Variants in ATP8A1 observed in about 807,000 individuals in gnomAD.
The protein encoded by ATP8A1 is ATPase phospholipid transporting 8A1, also known as phospholipid-transporting ATPase IA.
A neutral mutation model predicts 177.7 loss-of-function variants in ATP8A1; 90 were observed. The observed-to-expected ratio is 0.51, with a 90% CI of 0.43 to 0.60. The LOEUF (loss-of-function observed/expected upper bound fraction) is 0.60. ATP8A1 is among the 20% of genes least tolerant of loss of function. The pLI is 0.00. For missense variants in ATP8A1, 1,072 were observed against 1,392.8 expected, an observed-to-expected ratio of 0.77 and a Z score of 3.67; for synonymous variants, 493 against 485.9, an observed-to-expected ratio of 1.01 and a Z score of -0.19.
chr4:42,473,150 T>C (rs1720639691), intron 25 of ATP8A1, among the ~76,000 whole-genome samples: 1 of 152,034 alleles, frequency 6.6e-6, no homozygotes, highest in African/African-American at 2.4e-5. Context: ...CCTCCAGGTG[T>C]CATTGATTCA....
intron 4 of ATP8A1, among the ~76,000 whole-genome samples, chr4:42,616,820 CAGA>C (rs764034003): frequency 3.3e-5 from 5 of 152,154 alleles, no homozygotes; most frequent in South Asian, 4.1e-4. Flanking sequence ...GAAGAAGAAA[CAGA>C]AGGTCAGAGG....
At chr4:42,416,587 C>T (rs979258541) in intron 35 of ATP8A1, among the ~76,000 whole-genome samples, 2 of 152,126 alleles carry the variant, frequency 1.3e-5, no homozygotes, top group African/African-American at 4.8e-5. Context: ...AAGTCTCTTT[C>T]TTAAGAAAGA....
intron 32 of ATP8A1, 49 bp from the exon 33 acceptor site, chr4:42,443,721 A>G (rs1199490733): frequency 1.3e-6 from 1 of 799,424 alleles, no homozygotes; most frequent in African/African-American, 1.7e-5. Context: ...TAGACCGAGT[A>G]CACAAATACT....
chr4:42,594,941 C>A (rs1734579257), intron 6 of ATP8A1, among the ~76,000 whole-genome samples: 1 of 152,080 alleles, frequency 6.6e-6, no homozygotes, highest in African/African-American at 2.4e-5. Flanking sequence ...AAATTAATCT[C>A]TTCATTGTAC....
intron 23 of ATP8A1, 102 bp downstream of exon 23, chr4:42,506,914 A>C (rs1724419730): frequency 7.4e-7 from 1 of 1,343,366 alleles, no homozygotes; most frequent in Non-Finnish European, 1.0e-6. Flanking sequence ...CAATCTTGAC[A>C]TATCAAATCT....
rs779289581 is a variant in ATP8A1, at chr4:42,547,969, T to C, written c.1652+1044A>G. On this transcript the variant is annotated intron_variant, in intron 19 of 36. Coordinates refer to ENST00000381668, the MANE Select transcript of ATP8A1 (RefSeq NM_006095.2). ...ATTCTGTGAAGTGTCCTGTGAATGGTCACGCAGTCTTTAAAGACCCTGCAG... is the reference window on the plus strand; with the variant it reads ...ATTCTGTGAAGTGTCCTGTGAATGGCCACGCAGTCTTTAAAGACCCTGCAG... Among the ~76,000 whole-genome samples the C allele has an allele frequency of 2.6e-5, 4 of 152,264 alleles. No individual in the cohort carries two copies. The East Asian group carries it at 7.7e-4, about 29-fold the overall frequency.
chr4:42,638,320 A>T (rs1739594503), intron 1 of ATP8A1, among the ~76,000 whole-genome samples: 1 of 152,238 alleles, frequency 6.6e-6, no homozygotes, highest in African/African-American at 2.4e-5. Flanking sequence ...AAAAAAGGAA[A>T]AAAAGTAATG....
chr4:42,473,053 T>C (rs6447163), intron 25 of ATP8A1, among the ~76,000 whole-genome samples: 55,994 of 151,956 alleles, frequency 0.37, 10,504 homozygotes, highest in East Asian at 0.57. Flanking sequence ...GTTTAGATAG[T>C]AGTGGGATAC....
chr4:42,480,234 A>C (rs1252020513), intron 25 of ATP8A1, among the ~76,000 whole-genome samples: 1 of 152,154 alleles, frequency 6.6e-6, no homozygotes, highest in Non-Finnish European at 1.5e-5. Flanking sequence ...AGTTCCTTTA[A>C]TACTACTCAG....
At chr4:42,613,320 A>T (rs2109441152) in intron 5 of ATP8A1, among the ~76,000 whole-genome samples, 1 of 148,616 alleles carries the variant, frequency 6.7e-6, no homozygotes, top group African/African-American at 2.4e-5. Flanking sequence ...GACTTATAAG[A>T]TCTGAAAGAA....
At chr4:42,649,323 T>A (rs967511649) in intron 1 of ATP8A1, among the ~76,000 whole-genome samples, 3 of 152,166 alleles carry the variant, frequency 2.0e-5, no homozygotes, top group Admixed American at 6.6e-5. Flanking sequence ...CACAAATCTA[T>A]ATTGGCACAG....
At chr4:42,484,262 C>T (rs1055016975) in intron 25 of ATP8A1, among the ~76,000 whole-genome samples, 7 of 151,882 alleles carry the variant, frequency 4.6e-5, no homozygotes, top group African/African-American at 1.7e-4. Context: ...AGCAAAGAGC[C>T]GGATGACTAA....
At chr4:42,419,331 G>C (rs577060703) in intron 35 of ATP8A1, among the ~76,000 whole-genome samples, 1 of 152,126 alleles carries the variant, frequency 6.6e-6, no homozygotes, top group Admixed American at 6.5e-5. Flanking sequence ...CTAAGACATG[G>C]GCCTCTCTAG....
chr4:42,467,062 C>T (rs1372292415), intron 25 of ATP8A1, among the ~76,000 whole-genome samples: 1 of 152,192 alleles, frequency 6.6e-6, no homozygotes, highest in East Asian at 1.9e-4. Context: ...TTTTCCATAA[C>T]TAAACTTGTA....
At position 42,552,662 on chromosome 4, in the gene ATP8A1, A is replaced by G. The variant is rs771680878; in HGVS notation, c.1414-52T>C. Reference sequence around the variant, plus strand: ...GCCCTTCTCATGTGAACATTTTGACACTGACAGTAATATTACTTCATGTCT... The same window carrying G: ...GCCCTTCTCATGTGAACATTTTGACGCTGACAGTAATATTACTTCATGTCT... On this transcript the variant is annotated intron_variant, in intron 16 of 36. Coordinates refer to ENST00000381668, the MANE Select transcript of ATP8A1 (RefSeq NM_006095.2). The G allele has an allele frequency of 2.4e-6, 3 of 1,272,402 alleles. No individual in the cohort carries two copies. In the East Asian group the frequency reaches 7.0e-5, roughly 30 times the overall value. The allele number at this position is 1,272,402 out of a possible 1,614,324, so 78.8% of individuals were successfully genotyped here.
At chr4:42,623,024 A>AG (rs1215920728) in intron 4 of ATP8A1, among the ~76,000 whole-genome samples, 4 of 151,596 alleles carry the variant, frequency 2.6e-5, no homozygotes, top group Admixed American at 2.0e-4. Context: ...AAAAAAAAAA[A>AG]GGTGGGCAAA....
At chr4:42,622,057 A>G (rs1737518993) in intron 4 of ATP8A1, among the ~76,000 whole-genome samples, 1 of 152,164 alleles carries the variant, frequency 6.6e-6, no homozygotes, top group South Asian at 2.1e-4. Context: ...CATCATATAC[A>G]AAACTCATCT....
rs1732052005 is a variant in ATP8A1 at position 42,572,955 on chromosome 4, CAAT to C, written c.1295+1661_1295+1663del. 5.3e-5 allele frequency among the ~76,000 whole-genome samples: 8 copies of C among 152,250 alleles called. No homozygotes were observed. The South Asian group carries it at 1.7e-3, about 32-fold the overall frequency. Reference sequence around the variant, plus strand: ...ATTCACTTCACTGGCAATTTAATCTCAATGATGACAATACTGAGCTCAGACCCA... The same window carrying C: ...ATTCACTTCACTGGCAATTTAATCTCGATGACAATACTGAGCTCAGACCCA... On this transcript the variant is annotated intron_variant, in intron 14 of 36. Transcript: ENST00000381668.
At chr4:42,451,813 G>C (rs1717959106) in intron 30 of ATP8A1, among the ~76,000 whole-genome samples, 168 bp downstream of exon 30, 3 of 152,144 alleles carry the variant, frequency 2.0e-5, no homozygotes, top group Admixed American at 2.0e-4. Context: ...GCTCCCAAAG[G>C]AATAATAAAA....
Sources: gnomAD v4.1 joint callset for allele counts (sites outside exome capture counted in the v4.1 genomes callset) on GRCh38, gnomAD v4.1.1 for gene constraint, MANE v1.5 for transcripts, NCBI Gene and HGNC (gene_info 2026-07-23, HGNC 2026-07-21) for gene names.